ACTR3C: variants seen among roughly 807,000 people sequenced by gnomAD.
The protein encoded by ACTR3C is actin related protein 3C.
ACTR3C carries 18 observed loss-of-function variants against 26.3 expected under a neutral mutation model. That is an observed-to-expected ratio of 0.68 (90% CI 0.47 to 1.01). ACTR3C has a LOEUF of 1.01. Among genes scored for constraint, ACTR3C ranks in the 50% least tolerant of loss-of-function variants. ACTR3C has a pLI of 0.00. For missense variants in ACTR3C, 184 were observed against 250.7 expected (o/e 0.73, Z 1.80); for synonymous variants, 55 against 94.5 (o/e 0.58, Z 2.42).
chr7:150,082,589 T>C, the ACTR3C span, among the ~76,000 whole-genome samples: 2 of 152,174 alleles, frequency 1.3e-5, no homozygotes, highest in Non-Finnish European at 2.9e-5. Context: ...CTACCACATA[T>C]AACCCTGAGT....
the ACTR3C span, among the ~76,000 whole-genome samples, chr7:149,901,639 G>A: frequency 6.6e-6 from 1 of 151,850 alleles, no homozygotes. Flanking sequence ...AGAACAATGG[G>A]CCGGCACAGT....
At position 150,280,798 on chromosome 7, in the gene ACTR3C, A is replaced by ATGTGTGTGTGTGTGTGTGTG. The variant is rs200924995; in HGVS notation, c.564+3935_564+3954dup. Among the ~76,000 whole-genome samples the ATGTGTGTGTGTGTGTGTGTG allele has an allele frequency of 7.5e-5, 11 of 147,584 alleles. No homozygotes were observed. In the East Asian group the frequency reaches 2.2e-3, roughly 30 times the overall value. The stretch of plus-strand genomic sequence containing the variant: ...AATATGCACAATTTTCCTGCTCTTG[A>ATGTGTGTGTGTGTGTGTGTG]TGTGTGTGTGTGTGTGTGTGTATAT... On this transcript the variant is annotated intron_variant, in intron 6 of 7. Transcript: ENST00000683684.
chr7:150,195,939 CA>C, the ACTR3C span, among the ~76,000 whole-genome samples: 1 of 152,186 alleles, frequency 6.6e-6, no homozygotes, highest in African/African-American at 2.4e-5. Context: ...TGATTTCTGA[CA>C]AAAAGTCTGC....
At chr7:150,121,389 A>T in the ACTR3C span, among the ~76,000 whole-genome samples, 2,901 of 152,090 alleles carry the variant, frequency 0.019, 52 homozygotes, top group Admixed American at 0.047. Flanking sequence ...AAGTCTCAGG[A>T]TACAAAAATC....
chr7:150,047,065 C>A, the ACTR3C span, among the ~76,000 whole-genome samples: 1 of 151,274 alleles, frequency 6.6e-6, no homozygotes, highest in South Asian at 2.1e-4. Flanking sequence ...ACCACCACCG[C>A]TGGGGGGAAA....
At chr7:149,921,956 CTTG>C in the ACTR3C span, among the ~76,000 whole-genome samples, 1 of 151,604 alleles carries the variant, frequency 6.6e-6, no homozygotes, top group Non-Finnish European at 1.5e-5. Context: ...TCTATTTTTG[CTTG>C]TTATGTTTCC....
At chr7:149,905,992 AT>A in the ACTR3C span, among the ~76,000 whole-genome samples, 1 of 152,206 alleles carries the variant, frequency 6.6e-6, no homozygotes, top group African/African-American at 2.4e-5. Flanking sequence ...TTACTGCACC[AT>A]TTTATATAAC....
chr7:150,239,092 CCATATATTCCTTCTGACTGCCCCA>C (rs975764535), downstream of ACTR3C, among the ~76,000 whole-genome samples: 7 of 151,936 alleles, frequency 4.6e-5, no homozygotes, highest in African/African-American at 1.7e-4. Flanking sequence ...TATATACTAA[CCATATATTCCTTCTGACTGCCCCA>C]CACACTTTTC....
chr7:150,079,256 C>G, the ACTR3C span, among the ~76,000 whole-genome samples: 1 of 152,154 alleles, frequency 6.6e-6, no homozygotes, highest in East Asian at 1.9e-4. Flanking sequence ...TGAAGTAGCA[C>G]AGCACCCCCG....
At chr7:150,302,033 A>G (rs1318974248) in intron 1 of ACTR3C, among the ~76,000 whole-genome samples, 2 of 152,136 alleles carry the variant, frequency 1.3e-5, no homozygotes, top group African/African-American at 2.4e-5. Context: ...GTATTTTAGA[A>G]TAAAAAAAAG....
the ACTR3C span, among the ~76,000 whole-genome samples, chr7:150,210,812 C>G: frequency 2.4e-4 from 36 of 147,090 alleles, 1 homozygote; most frequent in Non-Finnish European, 4.5e-5. Context: ...TTGCCTTGAC[C>G]GTGGCGTTTT....
At chr7:150,066,738 T>C in the ACTR3C span, among the ~76,000 whole-genome samples, 1 of 152,224 alleles carries the variant, frequency 6.6e-6, no homozygotes, top group East Asian at 1.9e-4. Context: ...AAACACGCGC[T>C]GTGTGATGCC....
chr7:150,145,175 T>C, the ACTR3C span, among the ~76,000 whole-genome samples: 1 of 151,932 alleles, frequency 6.6e-6, no homozygotes, highest in South Asian at 2.1e-4. Flanking sequence ...ATAAGGGTGC[T>C]AACTTGGGCA....
rs1298856160 is a variant in ACTR3C, at chr7:150,274,308, C to T, written c.564+10445G>A. 1.3e-5 allele frequency among the ~76,000 whole-genome samples: 2 copies of T among 152,162 alleles called. No individual in the cohort carries two copies. The highest frequency in any genetic ancestry group is 2.4e-5 in the African/African-American group (1 of 41,418). The stretch of plus-strand genomic sequence containing the variant: ...TCTGTCAGCGCCATTTTCCCAAAAG[C>T]ACACGCTCACTTCGTGTCTCTGTAT... On this transcript the variant is annotated intron_variant, in intron 6 of 7. Transcript: ENST00000683684. The surrounding 1 kb of genome is among the most constrained non-coding windows in gnomAD (Gnocchi z 4.1).
At chr7:149,990,677 A>G in the ACTR3C span, among the ~76,000 whole-genome samples, 1 of 147,404 alleles carries the variant, frequency 6.8e-6, no homozygotes, top group Admixed American at 6.8e-5. Context: ...TATGGGAGCA[A>G]AGAAGGAAGT....
the ACTR3C span, among the ~76,000 whole-genome samples, chr7:150,007,507 A>G: frequency 6.6e-6 from 1 of 152,346 alleles, no homozygotes; most frequent in South Asian, 2.1e-4. Context: ...TGCTACTGAT[A>G]ATGATTAAAG....
rs137990929 is a variant in ACTR3C at position 150,249,718 on chromosome 7, G to A, written c.565-664C>T. On this transcript the variant is annotated intron_variant, in intron 6 of 7. Transcript: ENST00000683684. ...GATCCGCCTGCCTCGGCCTCCCATT[G>A]TGCTGGGATTACAGGTGTGAGCCAC... Among the ~76,000 whole-genome samples, 943 of 152,312 alleles carry A rather than the reference G, an allele frequency of 6.2e-3. 7 individuals carry two copies. The highest frequency in any genetic ancestry group is 0.021 in the African/African-American group (889 of 41,564).
the ACTR3C span, among the ~76,000 whole-genome samples, chr7:149,981,538 C>T: frequency 4.6e-4 from 69 of 149,944 alleles, 5 homozygotes; most frequent in East Asian, 3.7e-3. Context: ...AAGTAGGACC[C>T]TATAATTAGG....
chr7:150,306,723 AC>A (rs1164572540), intron 1 of ACTR3C, among the ~76,000 whole-genome samples: 16 of 152,200 alleles, frequency 1.1e-4, no homozygotes, highest in Non-Finnish European at 5.9e-5. Context: ...AACACCTCAG[AC>A]CCAAAGACAA....
Sources: gnomAD v4.1 joint callset for allele counts (sites outside exome capture counted in the v4.1 genomes callset) on GRCh38, gnomAD v4.1.1 for gene constraint, Gnocchi (gnomAD v3.1) non-coding constraint, MANE v1.5 for transcripts, NCBI Gene and HGNC (gene_info 2026-07-23, HGNC 2026-07-21) for gene names.